The following ATP2B1 variants were observed in gnomAD, a reference collection of about 807,000 sequenced individuals.
ATP2B1 encodes the protein plasma membrane calcium-transporting ATPase 1.
In ATP2B1, 14 loss-of-function variants were observed where a neutral mutation model predicts 124.2. That is an observed-to-expected ratio of 0.11 (90% CI 0.07 to 0.18). The LOEUF (loss-of-function observed/expected upper bound fraction) is 0.18, where lower values mean the gene tolerates loss of function less well. ATP2B1 is among the 10% of genes least tolerant of loss of function. ATP2B1 has a pLI of 1.00. For missense variants in ATP2B1, 763 were observed against 1,466.1 expected (o/e 0.52, Z 7.83); for synonymous variants, 449 against 492.4 (o/e 0.91, Z 1.17).
chr12:89,604,473 T>A, intron 15 of ATP2B1, 127 bp from the exon 16 acceptor site: 2 of 648,614 alleles, frequency 3.1e-6, no homozygotes, highest in Non-Finnish European at 5.0e-6. Context: ...AAATTTACAC[T>A]AAAAGAAGGT....
intron 1 of ATP2B1, among the ~76,000 whole-genome samples, chr12:89,667,491 T>C (rs1887454475): frequency 6.6e-6 from 1 of 152,224 alleles, no homozygotes; most frequent in South Asian, 2.1e-4. Flanking sequence ...CCAGGCCATG[T>C]TCTGTTAACA....
At chr12:89,684,311 T>G (rs934745890) in intron 1 of ATP2B1, among the ~76,000 whole-genome samples, 4 of 152,122 alleles carry the variant, frequency 2.6e-5, no homozygotes, top group Admixed American at 2.6e-4. Context: ...AATGTAAAAT[T>G]GAAACAAACT....
Position 89,590,648 on chromosome 12 carries a change from C to T in ATP2B1, c.*336G>A, listed in dbSNP as rs1234705823. ...CTCTTTGTCTTGCCCAGTTTTACTC[C>T]TCCCTCTCTCTCCCATCCAGGACTG... is the stretch of plus-strand genomic sequence containing the variant. On this transcript the variant is annotated 3_prime_UTR_variant, in exon 21 of 21. Coordinates refer to ENST00000428670, the MANE Select transcript of ATP2B1 (RefSeq NM_001366521.1). 2 of 181,084 alleles carry T rather than the reference C, an allele frequency of 1.1e-5. No homozygotes were observed. Among genetic ancestry groups the T allele is most frequent in the Admixed American group, 5.5e-5 (1 of 18,122 alleles). 11.2% of individuals were successfully genotyped at this position (181,084 alleles called of 1,614,324 possible). A position where few individuals can be genotyped will look rare whatever the true frequency, so the allele number is the denominator to read the frequency against.
intron 6 of ATP2B1, among the ~76,000 whole-genome samples, chr12:89,628,712 C>A (rs1460083322): frequency 6.6e-6 from 1 of 152,204 alleles, no homozygotes; most frequent in East Asian, 1.9e-4. Flanking sequence ...CTATATTCTT[C>A]TAGCTTCTTT....
intron 1 of ATP2B1, among the ~76,000 whole-genome samples, chr12:89,702,621 A>C (rs1287775240): frequency 6.6e-6 from 1 of 152,198 alleles, no homozygotes; most frequent in East Asian, 1.9e-4. Flanking sequence ...GAAAACATAA[A>C]TTTGACTCCT....
chr12:89,601,474 T>A, intron 18 of ATP2B1, 41 bp from the exon 19 acceptor site: 1 of 1,319,070 alleles, frequency 7.6e-7, no homozygotes. Context: ...AAATCTTAAA[T>A]TTTAAAATTC....
chr12:89,621,860 G>A (rs1880021261), intron 9 of ATP2B1, 69 bp from the exon 10 acceptor site: 9 of 1,324,590 alleles, frequency 6.8e-6, no homozygotes, highest in Non-Finnish European at 8.9e-6. Context: ...ACATTAAAAT[G>A]ATTATAAATT....
chr12:89,597,381 A>G (rs2854375), intron 20 of ATP2B1, among the ~76,000 whole-genome samples: 142,523 of 152,274 alleles, frequency 0.94, 66,915 homozygotes, highest in East Asian at 0.99. Context: ...ACTTTGCTTT[A>G]CATCATGCGG....
intron 3 of ATP2B1, among the ~76,000 whole-genome samples, chr12:89,641,609 A>C (rs1281964046): frequency 6.6e-6 from 1 of 152,208 alleles, no homozygotes; most frequent in East Asian, 1.9e-4. Flanking sequence ...TCGGCACTCA[A>C]AAATTTTGAA....
chr12:89,684,776 C>G (rs1889764856), intron 1 of ATP2B1, among the ~76,000 whole-genome samples: 2 of 152,106 alleles, frequency 1.3e-5, no homozygotes, highest in Non-Finnish European at 2.9e-5. Flanking sequence ...AACTTGGCTT[C>G]TCTCCCTCTT....
chr12:89,677,386 T>C (rs200059574), intron 1 of ATP2B1, among the ~76,000 whole-genome samples: 2 of 152,126 alleles, frequency 1.3e-5, no homozygotes, highest in East Asian at 3.8e-4. Flanking sequence ...TTTTAAGGAA[T>C]AGTCTCCAAC....
upstream of ATP2B1, chr12:89,708,982 C>T (rs1255765573): frequency 6.6e-6 from 1 of 151,374 alleles, no homozygotes; most frequent in Non-Finnish European, 1.5e-5. Context: ...GCGCGCCGCG[C>T]TCGCTCGGCA....
chr12:89,687,274 C>G (rs1311341499), intron 1 of ATP2B1, among the ~76,000 whole-genome samples: 1 of 152,064 alleles, frequency 6.6e-6, no homozygotes, highest in Non-Finnish European at 1.5e-5. Context: ...CATTTACTGT[C>G]GTGTTACACT....
At chr12:89,658,060 A>G (rs937518818) in intron 1 of ATP2B1, among the ~76,000 whole-genome samples, 2 of 152,152 alleles carry the variant, frequency 1.3e-5, no homozygotes, top group African/African-American at 4.8e-5. Flanking sequence ...AAAACTGGAG[A>G]GGGTGGTTAT....
Position 89,655,784 on chromosome 12 carries a change from G to A in ATP2B1, c.103C>T (p.Arg35Trp), listed in dbSNP as rs758320564. The A allele has an allele frequency of 1.3e-5, 21 of 1,614,018 alleles. No individual in the cohort carries two copies. Among genetic ancestry groups the A allele is most frequent in the Middle Eastern group, 1.6e-4 (1 of 6,084 alleles). The stretch of plus-strand genomic sequence containing the variant: ...GTGGACCTGAGCTCCATGAGAGCCC[G>A]CAGCTCTGCGAGCGTAATTCCAAAG... ...GDFGITLAEL[R>W]ALMELRSTDA... Residue 35 changes from arginine to tryptophan, a missense_variant, in exon 2 of 21, where the codon CGG (arginine) becomes TGG (tryptophan). Arg to Trp is a moderately radical substitution (Grantham distance 101, BLOSUM62 -3). Around this residue, in one of 7 missense-constraint regions of ATP2B1, gnomAD observed 93 missense variants for 112.7 expected, o/e 0.83. Coordinates refer to ENST00000428670, the MANE Select transcript of ATP2B1 (RefSeq NM_001366521.1).
chr12:89,606,968 T>C (rs568895705), intron 15 of ATP2B1, among the ~76,000 whole-genome samples: 1 of 152,286 alleles, frequency 6.6e-6, no homozygotes, highest in South Asian at 2.1e-4. Context: ...ACCATTCCCT[T>C]GCTCAAAATC....
At chr12:89,627,333 G>C (rs774115444) in intron 7 of ATP2B1, among the ~76,000 whole-genome samples, 1 of 149,708 alleles carries the variant, frequency 6.7e-6, no homozygotes, top group Non-Finnish European at 1.5e-5. Context: ...AATAAATTTC[G>C]TGTTTGGAGT....
At chr12:89,700,838 T>C (rs1471096479) in intron 1 of ATP2B1, among the ~76,000 whole-genome samples, 1 of 152,182 alleles carries the variant, frequency 6.6e-6, no homozygotes, top group African/African-American at 2.4e-5. Context: ...ATTTAAAAGG[T>C]TGGGAGAATA....
intron 1 of ATP2B1, among the ~76,000 whole-genome samples, chr12:89,681,947 A>C (rs1889397119): frequency 6.6e-6 from 1 of 152,154 alleles, no homozygotes; most frequent in Non-Finnish European, 1.5e-5. Flanking sequence ...GAAACATAAG[A>C]ATTAGGAAGG....
Sources: gnomAD v4.1 joint callset for allele counts (sites outside exome capture counted in the v4.1 genomes callset) on GRCh38, gnomAD v4.1.1 for gene constraint, gnomAD v4.1.1 regional missense constraint, MANE v1.5 for transcripts, NCBI Gene and HGNC (gene_info 2026-07-23, HGNC 2026-07-21) for gene names.